SAMD5: variants seen among roughly 807,000 people sequenced by gnomAD.
The protein encoded by SAMD5 is sterile alpha motif domain containing 5.
A neutral mutation model predicts 11.3 loss-of-function variants in SAMD5; 13 were observed. The ratio of observed to expected loss-of-function variants is 1.15; its 90% CI spans 0.75 to 1.83. The LOEUF (loss-of-function observed/expected upper bound fraction) is 1.83. Among genes scored for constraint, SAMD5 ranks in the 40% most tolerant of loss-of-function variants. SAMD5 has a pLI of 0.00. For synonymous variants in SAMD5, 129 were observed against 111.3 expected, an observed-to-expected ratio of 1.16 and a Z score of -1.00; for missense variants, 255 against 239.1, an observed-to-expected ratio of 1.07 and a Z score of -0.44.
At chr6:147,664,907 T>A (rs1790694786) in intron 1 of SAMD5, among the ~76,000 whole-genome samples, 1 of 152,062 alleles carries the variant, frequency 6.6e-6, no homozygotes, top group South Asian at 2.1e-4. Flanking sequence ...CTGTTGTTAT[T>A]TTTTTTTCCT....
the SAMD5 span, among the ~76,000 whole-genome samples, chr6:147,878,297 A>G: frequency 1.3e-5 from 2 of 151,898 alleles, no homozygotes; most frequent in African/African-American, 2.4e-5. Context: ...GGTGGAAAGG[A>G]ATGAGAGGGC....
the SAMD5 span, among the ~76,000 whole-genome samples, chr6:147,766,179 A>G: frequency 6.6e-6 from 1 of 151,974 alleles, no homozygotes; most frequent in Non-Finnish European, 1.5e-5. Context: ...AAAAAAGAGA[A>G]CATAAACAGA....
At chr6:147,735,529 G>A (rs921736917) in intron 1 of SAMD5, among the ~76,000 whole-genome samples, 1 of 152,134 alleles carries the variant, frequency 6.6e-6, no homozygotes, top group Non-Finnish European at 1.5e-5. Flanking sequence ...GGGTGGAGAT[G>A]GTGAGATTTC....
chr6:147,841,371 T>TA, the SAMD5 span, among the ~76,000 whole-genome samples: 8 of 152,084 alleles, frequency 5.3e-5, no homozygotes, highest in African/African-American at 1.7e-4. Context: ...CAAACATAAA[T>TA]AAATAAAATA....
At chr6:147,879,697 T>A in the SAMD5 span, among the ~76,000 whole-genome samples, 9 of 152,176 alleles carry the variant, frequency 5.9e-5, no homozygotes, top group Non-Finnish European at 1.0e-4. Context: ...TGGTTTTTTT[T>A]AAAGCATGTC....
intron 1 of SAMD5, among the ~76,000 whole-genome samples, chr6:147,720,441 C>A (rs796176087): frequency 6.9e-6 from 1 of 145,556 alleles, no homozygotes; most frequent in Non-Finnish European, 1.5e-5. Flanking sequence ...CCAGCCTGGG[C>A]GACAGAGCGA....
chr6:147,835,853 G>A, the SAMD5 span, among the ~76,000 whole-genome samples: 3 of 152,104 alleles, frequency 2.0e-5, no homozygotes, highest in Non-Finnish European at 4.4e-5. Context: ...GTCCTCTAAG[G>A]TTCCAGATTT....
the SAMD5 span, among the ~76,000 whole-genome samples, chr6:147,773,979 A>C: frequency 5.9e-5 from 9 of 152,034 alleles, no homozygotes; most frequent in African/African-American, 1.9e-4. Context: ...AGTAGCTGGG[A>C]CTACAGACAT....
At chr6:147,732,164 C>T (rs888677124) in intron 1 of SAMD5, among the ~76,000 whole-genome samples, 4 of 152,164 alleles carry the variant, frequency 2.6e-5, no homozygotes, top group African/African-American at 9.7e-5. Flanking sequence ...AGCCAGCCAG[C>T]ATCCCTCATT....
chr6:147,706,625 T>C (rs1791328706), intron 1 of SAMD5, among the ~76,000 whole-genome samples: 2 of 152,218 alleles, frequency 1.3e-5, no homozygotes, highest in Admixed American at 1.3e-4. Context: ...TAAACATGGA[T>C]TGAAAATACA....
At chr6:147,558,334 G>A (rs1454161161) in intron 1 of SAMD5, among the ~76,000 whole-genome samples, 1 of 152,232 alleles carries the variant, frequency 6.6e-6, no homozygotes, top group Admixed American at 6.5e-5. Flanking sequence ...ATATTTTAAC[G>A]AACTGCAGTA....
intron 1 of SAMD5, among the ~76,000 whole-genome samples, chr6:147,543,382 A>G (rs189225322): frequency 6.6e-6 from 1 of 152,330 alleles, no homozygotes; most frequent in East Asian, 1.9e-4. Context: ...TGAGGGCAGA[A>G]TTATAGAACT....
intron 1 of SAMD5, among the ~76,000 whole-genome samples, chr6:147,715,081 C>T (rs1562358324): frequency 6.6e-6 from 1 of 152,186 alleles, no homozygotes; most frequent in African/African-American, 2.4e-5. Context: ...CTCTTTCCTG[C>T]AGTGGTGTCA....
the SAMD5 span, among the ~76,000 whole-genome samples, chr6:147,808,310 C>T: frequency 6.6e-6 from 1 of 152,208 alleles, no homozygotes; most frequent in African/African-American, 2.4e-5. Flanking sequence ...TCAGGTGATC[C>T]AGTTCAGCTT....
chr6:147,580,034 T>C (rs977954891), intron 1 of SAMD5, among the ~76,000 whole-genome samples: 1 of 152,182 alleles, frequency 6.6e-6, no homozygotes, highest in Admixed American at 6.5e-5. Flanking sequence ...AGTATCAAAA[T>C]GCAAGTCCCT....
At chr6:147,635,805 C>A (rs1370802493) in intron 1 of SAMD5, among the ~76,000 whole-genome samples, 2 of 152,180 alleles carry the variant, frequency 1.3e-5, no homozygotes, top group Non-Finnish European at 2.9e-5. Flanking sequence ...ACGTATGGAG[C>A]CGATTTGAAA....
intron 1 of SAMD5, among the ~76,000 whole-genome samples, chr6:147,559,029 C>G (rs1395223074): frequency 6.6e-6 from 1 of 152,144 alleles, no homozygotes; most frequent in Non-Finnish European, 1.5e-5. Flanking sequence ...TTGTTGTGAT[C>G]AGCTGTTAAT....
chr6:147,643,090 T>C (rs1383804785), intron 1 of SAMD5, among the ~76,000 whole-genome samples: 2 of 152,214 alleles, frequency 1.3e-5, no homozygotes, highest in African/African-American at 2.4e-5. Flanking sequence ...TTTACATCTA[T>C]TTCATACCCT....
intron 1 of SAMD5, among the ~76,000 whole-genome samples, chr6:147,590,325 C>T (rs376034293): frequency 2.0e-4 from 31 of 152,106 alleles, no homozygotes; most frequent in African/African-American, 5.3e-4. Flanking sequence ...CAAAGAAACC[C>T]GTGATAGCTG....
Sources: allele counts gnomAD v4.1 joint callset (sites outside exome capture counted in the v4.1 genomes callset), GRCh38; gene constraint gnomAD v4.1.1; transcripts MANE v1.5; gene names NCBI Gene and HGNC (gene_info 2026-07-23, HGNC 2026-07-21).